Variants in TEAD1 observed in about 807,000 individuals in gnomAD.
The protein encoded by TEAD1 is transcriptional enhancer factor TEF-1.
TEAD1 carries 9 observed loss-of-function variants against 54.9 expected under a neutral mutation model. The observed-to-expected ratio is 0.16, with a 90% CI of 0.10 to 0.29. TEAD1 has a LOEUF of 0.29. Ranked by LOEUF, TEAD1 falls within the 10% of genes least tolerant of loss-of-function variation. The pLI is 1.00. For synonymous variants in TEAD1, 200 were observed against 187.8 expected (o/e 1.07, Z -0.53); for missense variants, 387 against 535.9 (o/e 0.72, Z 2.74).
intron 2 of TEAD1, among the ~76,000 whole-genome samples, chr11:12,745,954 G>C (rs1374234893): frequency 6.6e-6 from 1 of 152,202 alleles, no homozygotes; most frequent in Non-Finnish European, 1.5e-5. Flanking sequence ...AGGCTTACCT[G>C]CCTGGCTTAA....
intron 3 of TEAD1, among the ~76,000 whole-genome samples, chr11:12,821,503 G>A (rs1188833403): frequency 1.3e-5 from 2 of 152,128 alleles, no homozygotes; most frequent in Admixed American, 6.5e-5. Context: ...CTTTGTCAGC[G>A]CTTAGTTTCT....
chr11:12,876,106 C>T (rs1474138476), intron 5 of TEAD1, among the ~76,000 whole-genome samples: 1 of 152,110 alleles, frequency 6.6e-6, no homozygotes, highest in Admixed American at 6.5e-5. Flanking sequence ...TGCTCTCCTG[C>T]TCTTGAACTC....
intron 2 of TEAD1, among the ~76,000 whole-genome samples, chr11:12,755,399 A>G (rs776054103): frequency 5.9e-5 from 9 of 152,228 alleles, no homozygotes; most frequent in Non-Finnish European, 1.0e-4. Context: ...GATGTGATCC[A>G]TAGGTTAGTG....
intron 9 of TEAD1, among the ~76,000 whole-genome samples, chr11:12,886,020 A>T (rs79803005): frequency 1.3e-3 from 203 of 152,320 alleles, no homozygotes; most frequent in Non-Finnish European, 2.3e-3. Context: ...GACTTCTAGG[A>T]AGGAAGAATA....
intron 2 of TEAD1, among the ~76,000 whole-genome samples, chr11:12,762,274 G>T (rs1330387322): frequency 1.3e-5 from 2 of 152,164 alleles, no homozygotes; most frequent in African/African-American, 4.8e-5. Flanking sequence ...GCTAGCCACT[G>T]CTCAAAGAAT....
At chr11:12,737,452 C>T (rs576504475) in intron 2 of TEAD1, among the ~76,000 whole-genome samples, 18 of 152,238 alleles carry the variant, frequency 1.2e-4, no homozygotes, top group Admixed American at 8.5e-4. Context: ...ATGGAGAATT[C>T]CCAGACAGCT....
In TEAD1 at chr11:12,916,803, A is replaced by G. The variant is rs12272895; in HGVS notation, c.874-8109A>G. ...GAACTTTGTAGAGTTTAACAAAAGT[A>G]AATGTAAAACTTGAATCTTGGGAAG... On this transcript the variant is annotated intron_variant, in intron 10 of 12. Transcript: ENST00000527636. Among the ~76,000 whole-genome samples, 747 of 152,350 alleles carry G rather than the reference A, an allele frequency of 4.9e-3. 6 individuals are homozygous for G. Among genetic ancestry groups the G allele is most frequent in the African/African-American group, 0.017 (698 of 41,582 alleles).
chr11:12,788,315 A>G (rs891336843), intron 3 of TEAD1, among the ~76,000 whole-genome samples: 6 of 151,946 alleles, frequency 3.9e-5, no homozygotes, highest in East Asian at 1.9e-4. Context: ...TATTTTTAGT[A>G]GTGACGGGGT....
intron 3 of TEAD1, among the ~76,000 whole-genome samples, chr11:12,844,580 C>T (rs757911171): frequency 7.2e-5 from 11 of 152,078 alleles, no homozygotes; most frequent in African/African-American, 2.2e-4. Context: ...CCAAATATGA[C>T]GACAGAAAAA....
intron 10 of TEAD1, among the ~76,000 whole-genome samples, chr11:12,903,245 C>T (rs1038375264): frequency 1.3e-5 from 2 of 152,180 alleles, no homozygotes; most frequent in African/African-American, 2.4e-5. Context: ...GACATCAGAT[C>T]TGTGTGACTT....
intron 3 of TEAD1, among the ~76,000 whole-genome samples, chr11:12,792,374 A>AAAG (rs1481966874): frequency 7.3e-5 from 11 of 150,880 alleles, no homozygotes; most frequent in African/African-American, 2.4e-4. Flanking sequence ...AAAAAAAAAA[A>AAAG]GTCCTATATA....
chr11:12,899,565 A>C (rs1038439082), intron 9 of TEAD1, among the ~76,000 whole-genome samples: 2 of 152,084 alleles, frequency 1.3e-5, no homozygotes, highest in Non-Finnish European at 1.5e-5. Context: ...TACCCTTATA[A>C]TCTCACCTCT....
chr11:12,730,927 C>T (rs1401666380), intron 2 of TEAD1, among the ~76,000 whole-genome samples: 1 of 151,924 alleles, frequency 6.6e-6, no homozygotes, highest in Non-Finnish European at 1.5e-5. Context: ...GTCTCGAACT[C>T]CTGGCCTCAA....
intron 3 of TEAD1, among the ~76,000 whole-genome samples, chr11:12,821,445 A>T (rs1461147859): frequency 1.3e-5 from 2 of 152,094 alleles, no homozygotes; most frequent in Non-Finnish European, 2.9e-5. Flanking sequence ...ACTGTGGGGG[A>T]ATATTTTTGT....
chr11:12,701,002 G>A (rs1262736509), intron 2 of TEAD1, among the ~76,000 whole-genome samples: 2 of 152,200 alleles, frequency 1.3e-5, no homozygotes. Context: ...GCACAGTCAT[G>A]CTTTAGAGTT....
rs541383677 is a variant in TEAD1, at chr11:12,923,944, C to T, written c.874-968C>T. Among the ~76,000 whole-genome samples, 15 of 152,350 alleles carry T rather than the reference C, an allele frequency of 9.8e-5. No individual in the cohort carries two copies. In the South Asian group the frequency reaches 3.1e-3, roughly 32 times the overall value. On this transcript the variant is annotated intron_variant, in intron 10 of 12. Transcript: ENST00000527636. ...CAAACGCTGCAGCAGCCAGTTTCCC[C>T]AGTGGACATTGCATCCTGCTGAAGA...
At chr11:12,727,834 T>C (rs1168171712) in intron 2 of TEAD1, among the ~76,000 whole-genome samples, 2 of 152,208 alleles carry the variant, frequency 1.3e-5, no homozygotes, top group Admixed American at 1.3e-4. Context: ...TATCCAGGCT[T>C]TCATAGTCCT....
chr11:12,809,459 G>C (rs1433411359), intron 3 of TEAD1, among the ~76,000 whole-genome samples: 3 of 152,194 alleles, frequency 2.0e-5, no homozygotes, highest in Admixed American at 6.5e-5. Context: ...ATCTGGACTT[G>C]TGTCTTGTAG....
At chr11:12,903,855 A>G (rs1280261894) in intron 10 of TEAD1, among the ~76,000 whole-genome samples, 1 of 152,212 alleles carries the variant, frequency 6.6e-6, no homozygotes, top group Non-Finnish European at 1.5e-5. Context: ...TTCTACTTAT[A>G]TTAATGGATG....
Sources: gnomAD v4.1 joint callset for allele counts (sites outside exome capture counted in the v4.1 genomes callset) on GRCh38, gnomAD v4.1.1 for gene constraint, MANE v1.5 for transcripts, NCBI Gene and HGNC (gene_info 2026-07-23, HGNC 2026-07-21) for gene names.